The following ADGB variants were observed in gnomAD, a reference collection of about 807,000 sequenced individuals.
ADGB encodes androglobin, also known as calpain-7-like protein.
In ADGB, 172 loss-of-function variants were observed where a neutral mutation model predicts 210.5. That is an observed-to-expected ratio of 0.82 (90% confidence interval 0.72 to 0.93). The LOEUF is 0.93. ADGB is among the 40% of genes least tolerant of loss of function. ADGB has a pLI of 0.00. For synonymous variants in ADGB, 658 were observed against 662.7 expected (o/e 0.99, Z 0.11); for missense variants, 2,025 against 1,964.8 (o/e 1.03, Z -0.58).
intron 9 of ADGB, among the ~76,000 whole-genome samples, chr6:146,681,494 G>C (rs919456747): frequency 2.0e-5 from 3 of 152,038 alleles, no homozygotes; most frequent in Admixed American, 6.6e-5. Flanking sequence ...GCCTAATACA[G>C]TCCAGTAAAA....
intron 3 of ADGB, among the ~76,000 whole-genome samples, chr6:146,652,577 A>T (rs150602031): frequency 8.5e-5 from 13 of 152,280 alleles, no homozygotes; most frequent in East Asian, 3.9e-4. Flanking sequence ...AGCTCATTTT[A>T]AAAAAGTTAC....
chr6:146,762,205 A>G (rs964735628), intron 27 of ADGB, among the ~76,000 whole-genome samples: 1 of 152,064 alleles, frequency 6.6e-6, no homozygotes, highest in Admixed American at 6.6e-5. Context: ...TGAATCACTT[A>G]TCCTCTTTTG....
In ADGB at chr6:146,788,273, T is replaced by C. The variant is rs1203361864; in HGVS notation, c.4316-116T>C. The C allele has an allele frequency of 1.4e-5, 13 of 941,858 alleles. 1 individual carries two copies. The highest frequency in any genetic ancestry group is 6.7e-5 in the Admixed American group (3 of 45,022). 58.3% of individuals were successfully genotyped at this position (941,858 alleles called of 1,614,324 possible). On this transcript the variant is annotated intron_variant, in intron 32 of 35. Coordinates refer to ENST00000397944, the MANE Select transcript of ADGB (RefSeq NM_024694.4). ...TTGCTAGTGCTCTGGTTAGAAGTTA[T>C]AGAGCTTTTGAGTCATCTGCTCTAA...
Position 146,784,766 on chromosome 6 carries a change from A to G in ADGB, c.4184A>G (p.Glu1395Gly). The stretch of plus-strand genomic sequence containing the variant: ...ATCCGAGCCATGAAACAAGCCTGGG[A>G]GACAACTGAGCCAGGAAGAGCAATC... ...DEIRAMKQAW[E>G]TTEPGRAIKA... The change falls in exon 31 of 36, where the codon GAG (glutamate) becomes GGG (glycine). Residue 1395 changes from glutamate to glycine, a missense_variant. Glu to Gly is a moderately conservative substitution (Grantham distance 98, BLOSUM62 -2). Transcript: ENST00000397944. 1 of 1,550,286 alleles carries G rather than the reference A, an allele frequency of 6.5e-7. No individual in the cohort carries two copies. The highest frequency in any genetic ancestry group is 8.7e-7 in the Non-Finnish European group (1 of 1,146,454).
rs1281508658 is a variant in ADGB, at chr6:146,733,171, C to A, written c.2572C>A (p.Pro858Thr). The A allele has an allele frequency of 1.9e-6, 3 of 1,539,540 alleles. No homozygotes were observed. Among genetic ancestry groups the A allele is most frequent in the African/African-American group, 2.7e-5 (2 of 72,854 alleles). ...AATGAAAAAAGTTCAAATAACAAAACCTCCTCCAAACTTCAAATTTGCATT... is the reference window on the plus strand; with the variant it reads ...AATGAAAAAAGTTCAAATAACAAAAACTCCTCCAAACTTCAAATTTGCATT... ...RLMKKVQITK[P>T]PPNFKFAFRA... Residue 858 changes from proline to threonine, a missense_variant, in exon 21 of 36, where the codon CCT (proline) becomes ACT (threonine). Transcript: ENST00000397944.
At chr6:146,703,185 T>C (rs1231908221) in intron 13 of ADGB, among the ~76,000 whole-genome samples, 2 of 151,942 alleles carry the variant, frequency 1.3e-5, no homozygotes, top group African/African-American at 2.4e-5. Context: ...TGGAGACTTA[T>C]TCTTTATTAG....
chr6:146,690,983 A>G (rs975894394), intron 10 of ADGB, 133 bp from the exon 11 acceptor site: 1 of 530,076 alleles, frequency 1.9e-6, no homozygotes, highest in Non-Finnish European at 3.1e-6. Flanking sequence ...TTATATTAAG[A>G]GAGGTAGAGA....
At chr6:146,737,603 G>T (rs1457894331) in intron 23 of ADGB, among the ~76,000 whole-genome samples, 1 of 152,154 alleles carries the variant, frequency 6.6e-6, no homozygotes, top group African/African-American at 2.4e-5. Context: ...TCCTAAAAGG[G>T]CTACACTTTT....
chr6:146,709,651 G>T (rs543777251), intron 13 of ADGB, among the ~76,000 whole-genome samples: 53 of 152,312 alleles, frequency 3.5e-4, no homozygotes, highest in African/African-American at 1.2e-3. Context: ...CGCCACCAGG[G>T]TCTATTGGGT....
Position 146,599,024 on chromosome 6 carries a change from A to C in ADGB, c.-17A>C, listed in dbSNP as rs1365975083. On this transcript the variant is annotated 5_prime_UTR_variant, in exon 1 of 36. Transcript: ENST00000397944. Reference sequence around the variant, plus strand: ...CTCTTTGCTCAGAGCTCAGCCCTACATAGATCGGCTTCTGCCATGGCCTCC... The same window carrying C: ...CTCTTTGCTCAGAGCTCAGCCCTACCTAGATCGGCTTCTGCCATGGCCTCC... The C allele has an allele frequency of 6.5e-7, 1 of 1,550,312 alleles. No individual in the cohort carries two copies. Among genetic ancestry groups the C allele is most frequent in the East Asian group, 2.4e-5 (1 of 40,902 alleles).
chr6:146,754,090 G>T (rs1040380984), intron 27 of ADGB, among the ~76,000 whole-genome samples: 2 of 151,104 alleles, frequency 1.3e-5, no homozygotes, highest in African/African-American at 2.4e-5. Flanking sequence ...TAATTTCCAA[G>T]GTTATTTTTT....
chr6:146,677,499 CTATTG>C (rs1224704862), intron 9 of ADGB, among the ~76,000 whole-genome samples: 1 of 152,002 alleles, frequency 6.6e-6, no homozygotes, highest in African/African-American at 2.4e-5. Context: ...AAAAAAGTCA[CTATTG>C]TATTTTTAAT....
chr6:146,728,718 GA>G lies in ADGB; in HGVS notation c.2499del (p.Glu833AspfsTer2). 6.4e-7 allele frequency: 1 copy of G among 1,550,422 alleles called. No homozygotes were observed. The highest frequency in any genetic ancestry group is 8.7e-7 in the Non-Finnish European group (1 of 1,146,152). On this transcript the variant is annotated frameshift_variant, in exon 20 of 36. Transcript: ENST00000397944. LOFTEE classifies it high-confidence loss of function. The part of the protein sequence containing the change: ...AHYPVPFHDK[E>X]LTAQHFRVFH... ...CTACCCTGTCCCCTTCCATGATAAA[GA>G]ACTAACTGCACAGCACTTCAGGGTA...
chr6:146,786,772 G>A (rs1015236604), intron 32 of ADGB, among the ~76,000 whole-genome samples: 1 of 152,102 alleles, frequency 6.6e-6, no homozygotes, highest in Non-Finnish European at 1.5e-5. Context: ...AGGTGAATAG[G>A]ATTCAGTTCT....
Position 146,799,058 on chromosome 6 carries a change from CAAAAAAAA to C in ADGB, c.4538-2111_4538-2104del, listed in dbSNP as rs71552962. 3.1e-5 allele frequency among the ~76,000 whole-genome samples: 2 copies of C among 63,534 alleles called. 1 individual carries two copies. The highest frequency in any genetic ancestry group is 5.6e-5 in the Non-Finnish European group (2 of 35,854). The allele number at this position is 63,534 out of a possible 152,430, so 41.7% of individuals were successfully genotyped here. A position where few individuals can be genotyped will look rare whatever the true frequency, so the allele number is the denominator to read the frequency against. ...TAATCCCAAAACTTATATGGAAATG[CAAAAAAAA>C]AAAAAAAAAAAAACAGAAAAGCCAA... On this transcript the variant is annotated intron_variant, in intron 33 of 35. Coordinates refer to ENST00000397944, the MANE Select transcript of ADGB (RefSeq NM_024694.4).
At chr6:146,781,171 C>CAA (rs71031009) in intron 29 of ADGB, among the ~76,000 whole-genome samples, 32,331 of 90,692 alleles carry the variant, frequency 0.36, 6,147 homozygotes, top group Admixed American at 0.5. Flanking sequence ...ACTAAAAATA[C>CAA]AAAAAAAAAA....
At chr6:146,638,072 T>G (rs9373502) in intron 2 of ADGB, among the ~76,000 whole-genome samples, 44,419 of 151,900 alleles carry the variant, frequency 0.29, 7,481 homozygotes, top group Admixed American at 0.4. Context: ...AGGATGCAAG[T>G]TTGGTTCAAC....
intron 1 of ADGB, among the ~76,000 whole-genome samples, chr6:146,631,054 C>A (rs978107303): frequency 3.3e-5 from 5 of 152,036 alleles, no homozygotes; most frequent in African/African-American, 1.2e-4. Flanking sequence ...GCAAAAGTCA[C>A]AACAAGCAAG....
chr6:146,742,846 T>G (rs1464395510), intron 25 of ADGB, among the ~76,000 whole-genome samples: 1 of 152,212 alleles, frequency 6.6e-6, no homozygotes, highest in Non-Finnish European at 1.5e-5. Flanking sequence ...CAACACAAAT[T>G]CGTAAACTTT....
Sources: allele counts gnomAD v4.1 joint callset (sites outside exome capture counted in the v4.1 genomes callset), GRCh38; gene constraint gnomAD v4.1.1; transcripts MANE v1.5; gene names NCBI Gene and HGNC (gene_info 2026-07-23, HGNC 2026-07-21).